TFDP2: variants seen among roughly 807,000 people sequenced by gnomAD.
The protein encoded by TFDP2 is transcription factor Dp-2.
A neutral mutation model predicts 59.3 loss-of-function variants in TFDP2; 17 were observed. The ratio of observed to expected loss-of-function variants is 0.29; its 90% CI spans 0.20 to 0.43. The LOEUF (loss-of-function observed/expected upper bound fraction) is 0.43, where lower values mean the gene tolerates loss of function less well. Among genes scored for constraint, TFDP2 ranks in the 20% least tolerant of loss-of-function variants. The probability of loss-of-function intolerance (pLI) is 1.00; values close to 1 mark genes in which losing one functional copy is unlikely to be tolerated. For missense variants in TFDP2, 391 were observed against 528.8 expected, an observed-to-expected ratio of 0.74 and a Z score of 2.56; for synonymous variants, 180 against 194.7, an observed-to-expected ratio of 0.92 and a Z score of 0.63.
At chr3:142,035,677 T>C (rs1033664095) in intron 3 of TFDP2, among the ~76,000 whole-genome samples, 1 of 152,190 alleles carries the variant, frequency 6.6e-6, no homozygotes, top group Admixed American at 6.6e-5. Flanking sequence ...TGGTAGGTAA[T>C]TGAATCATGG....
intron 3 of TFDP2, among the ~76,000 whole-genome samples, chr3:142,060,370 T>C (rs555814248): frequency 6.2e-4 from 94 of 152,236 alleles, no homozygotes; most frequent in Admixed American, 2.0e-3. Context: ...CCAAAACTGG[T>C]GGGTAGGGGA....
At chr3:142,139,124 CT>C (rs2062841785) in intron 1 of TFDP2, among the ~76,000 whole-genome samples, 3 of 152,158 alleles carry the variant, frequency 2.0e-5, no homozygotes. Context: ...GCGTAATGGC[CT>C]TCTTTGTCTC....
At chr3:141,987,938 C>CAAAAAAAAAA (rs373394427) in intron 6 of TFDP2, among the ~76,000 whole-genome samples, 3 of 129,554 alleles carry the variant, frequency 2.3e-5, no homozygotes, top group East Asian at 2.2e-4. Context: ...GACCCTGCCT[C>CAAAAAAAAAA]AAAAAAAAAA....
At chr3:142,044,469 C>T (rs1947224090) in intron 3 of TFDP2, among the ~76,000 whole-genome samples, 1 of 151,938 alleles carries the variant, frequency 6.6e-6, no homozygotes, top group Non-Finnish European at 1.5e-5. Context: ...CTGTTGACCT[C>T]ATGATCTGCC....
intron 7 of TFDP2, among the ~76,000 whole-genome samples, chr3:141,977,107 T>TATATATATATATATATA (rs1491255094): frequency 1.8e-4 from 16 of 86,656 alleles, no homozygotes; most frequent in African/African-American, 4.5e-4. Flanking sequence ...TATATATATA[T>TATATATATATATATATA]TTTTTTTTTT....
At chr3:142,089,161 G>C (rs983212220) in intron 3 of TFDP2, among the ~76,000 whole-genome samples, 3 of 151,744 alleles carry the variant, frequency 2.0e-5, no homozygotes, top group African/African-American at 7.3e-5. Context: ...ATTGAGTTCA[G>C]TGCTGCTCTA....
At chr3:142,073,472 C>CCCCCCCAA (rs1553796689) in intron 3 of TFDP2, among the ~76,000 whole-genome samples, 1 of 52,502 alleles carries the variant, frequency 1.9e-5, no homozygotes, top group Non-Finnish European at 3.6e-5. Context: ...CCCCCCCCCG[C>CCCCCCCAA]AAAAAAAAAA....
rs1338265062 is a variant in TFDP2 at position 141,946,229 on chromosome 3, G to C, written c.*6284C>G. On this transcript the variant is annotated 3_prime_UTR_variant, in exon 13 of 13. Coordinates refer to ENST00000489671, the MANE Select transcript of TFDP2 (RefSeq NM_001178139.2). ...CTTGTTTCCCATCTCTAAATGAGCAGGGTGGGAGCGATGTTATCCCCGATC... is the reference window on the plus strand; with the variant it reads ...CTTGTTTCCCATCTCTAAATGAGCACGGTGGGAGCGATGTTATCCCCGATC... 6.6e-6 allele frequency: 1 copy of C among 152,276 alleles called. No homozygotes were observed. Among genetic ancestry groups the C allele is most frequent in the Non-Finnish European group, 1.5e-5 (1 of 68,070 alleles). The allele number at this position is 152,276 out of a possible 1,614,324, so 9.4% of individuals were successfully genotyped here. A position where few individuals can be genotyped will look rare whatever the true frequency, so the allele number is the denominator to read the frequency against.
rs1172719259 is a variant in TFDP2, at chr3:142,149,216, G to A, written c.-126C>T. Reference sequence around the variant, plus strand: ...GCTGCAGAAGAACTGGCGGCCAAGCGAGGCTGTCGGGCCGAGCCAGGAGCG... The same window carrying A: ...GCTGCAGAAGAACTGGCGGCCAAGCAAGGCTGTCGGGCCGAGCCAGGAGCG... On this transcript the variant is annotated 5_prime_UTR_variant, in exon 1 of 13. Transcript: ENST00000489671. 7.5e-6 allele frequency: 3 copies of A among 397,644 alleles called. No homozygotes were observed. Among genetic ancestry groups the A allele is most frequent in the Non-Finnish European group, 1.3e-5 (3 of 225,462 alleles). The allele number at this position is 397,644 out of a possible 1,614,324, so 24.6% of individuals were successfully genotyped here.
chr3:142,014,001 G>C (rs554626247), intron 3 of TFDP2, among the ~76,000 whole-genome samples: 34 of 152,086 alleles, frequency 2.2e-4, no homozygotes, highest in Non-Finnish European at 7.4e-5. Flanking sequence ...CCTCCTACAA[G>C]AACCAAACTG....
At chr3:142,106,465 G>A (rs1464587838) in intron 1 of TFDP2, among the ~76,000 whole-genome samples, 1 of 152,076 alleles carries the variant, frequency 6.6e-6, no homozygotes, top group Non-Finnish European at 1.5e-5. Flanking sequence ...TTTTGACATT[G>A]TCTTTAATCT....
At position 141,946,566 on chromosome 3, in the gene TFDP2, G is replaced by GT. The variant is rs1935271788; in HGVS notation, c.*5946dup. 1 of 152,208 alleles carries GT rather than the reference G, an allele frequency of 6.6e-6. No homozygotes were observed. The highest frequency in any genetic ancestry group is 6.5e-5 in the Admixed American group (1 of 15,284). The allele number at this position is 152,208 out of a possible 1,614,324, so 9.4% of individuals were successfully genotyped here. On this transcript the variant is annotated 3_prime_UTR_variant, in exon 13 of 13. Transcript: ENST00000489671. The stretch of plus-strand genomic sequence containing the variant: ...CAGGGCTTAGCCAGAGGGTCAAAGT[G>GT]TTGTGCCCACTCACTTTTTCTTCTT...
chr3:141,946,837 G>A lies in TFDP2; in HGVS notation c.*5676C>T, dbSNP rs1935301102. On this transcript the variant is annotated 3_prime_UTR_variant, in exon 13 of 13. Transcript: ENST00000489671. ...ATGGTTAGAAGTTCAAGACCAGTGT[G>A]GTCAACATGGTGAAACCCTGTCTCT... 1 of 152,176 alleles carries A rather than the reference G, an allele frequency of 6.6e-6. No individual in the cohort carries two copies. The highest frequency in any genetic ancestry group is 1.5e-5 in the Non-Finnish European group (1 of 68,052). The allele number at this position is 152,176 out of a possible 1,614,324, so 9.4% of individuals were successfully genotyped here. A position where few individuals can be genotyped will look rare whatever the true frequency, so the allele number is the denominator to read the frequency against.
At chr3:142,016,699 T>C (rs1243378303) in intron 3 of TFDP2, among the ~76,000 whole-genome samples, 2 of 152,226 alleles carry the variant, frequency 1.3e-5, no homozygotes, top group Admixed American at 6.5e-5. Context: ...CCCTTCATAG[T>C]ATTAAAATAT....
Position 141,951,740 on chromosome 3 carries a change from A to T in TFDP2, c.*773T>A, listed in dbSNP as rs1422024257. 1 of 152,656 alleles carries T rather than the reference A, an allele frequency of 6.6e-6. No homozygotes were observed. Among genetic ancestry groups the T allele is most frequent in the Non-Finnish European group, 1.5e-5 (1 of 68,038 alleles). The allele number at this position is 152,656 out of a possible 1,614,324, so 9.5% of individuals were successfully genotyped here. ...TCCTTCTTTGTAAAACTCCAGATTT[A>T]GGATGCTGGCAAAGGCAGTGCTGGC... On this transcript the variant is annotated 3_prime_UTR_variant, in exon 13 of 13. Transcript: ENST00000489671.
At chr3:142,042,528 G>T (rs953315014) in intron 3 of TFDP2, among the ~76,000 whole-genome samples, 10 of 151,674 alleles carry the variant, frequency 6.6e-5, no homozygotes, top group Non-Finnish European at 1.3e-4. Context: ...TCGATCTCTT[G>T]ACCTCGAGAT....
intron 3 of TFDP2, among the ~76,000 whole-genome samples, chr3:142,064,785 G>A (rs1035186193): frequency 6.6e-6 from 1 of 152,176 alleles, no homozygotes; most frequent in African/African-American, 2.4e-5. Flanking sequence ...ACAGAGCAAA[G>A]TTGTATAATT....
intron 9 of TFDP2, among the ~76,000 whole-genome samples, chr3:141,964,454 CCAACCTGGG>C (rs1279747116): frequency 6.6e-6 from 1 of 152,254 alleles, no homozygotes; most frequent in Non-Finnish European, 1.5e-5. Flanking sequence ...GAGTTTAAGG[CCAACCTGGG>C]CAACATGGCA....
intron 3 of TFDP2, among the ~76,000 whole-genome samples, chr3:142,049,863 ATATT>A (rs1947522604): frequency 1.3e-5 from 2 of 152,374 alleles, no homozygotes; most frequent in South Asian, 4.1e-4. Flanking sequence ...AAAATATTAA[ATATT>A]TAGGGATAAA....
Sources: allele counts gnomAD v4.1 joint callset (sites outside exome capture counted in the v4.1 genomes callset), GRCh38; gene constraint gnomAD v4.1.1; transcripts MANE v1.5; gene names NCBI Gene and HGNC (gene_info 2026-07-23, HGNC 2026-07-21).